IL1RAPL2: variants seen among roughly 807,000 people sequenced by gnomAD.
The protein encoded by IL1RAPL2 is interleukin 1 receptor accessory protein like 2.
Under a neutral mutation model 44.1 loss-of-function variants are expected in IL1RAPL2, and 3 were observed. The observed-to-expected ratio is 0.07, with a 90% CI of 0.03 to 0.18. The LOEUF (loss-of-function observed/expected upper bound fraction) is 0.18, where lower values mean the gene tolerates loss of function less well. IL1RAPL2 is among the 10% of genes least tolerant of loss of function. The probability of loss-of-function intolerance (pLI) is 1.00; values close to 1 mark genes in which losing one functional copy is unlikely to be tolerated. For synonymous variants in IL1RAPL2, 181 were observed against 178.8 expected (o/e 1.01, Z -0.10); for missense variants, 391 against 496.4 (o/e 0.79, Z 2.02).
chrX:105,422,697 G>C (rs189399100), intron 5 of IL1RAPL2, among the ~76,000 whole-genome samples: 61 of 111,538 alleles, frequency 5.5e-4, no homozygotes, highest in African/African-American at 1.9e-3. Flanking sequence ...GATCAGCAAC[G>C]TTTTAAGCAA....
At chrX:105,689,752 T>G (rs2038019104) in intron 6 of IL1RAPL2, among the ~76,000 whole-genome samples, 1 of 112,096 alleles carries the variant, frequency 8.9e-6, no homozygotes, top group African/African-American at 3.2e-5. Flanking sequence ...TATGCTACTG[T>G]AAAGACACAT....
intron 3 of IL1RAPL2, among the ~76,000 whole-genome samples, chrX:105,202,249 T>C (rs2033723800): frequency 8.9e-6 from 1 of 112,631 alleles, no homozygotes; most frequent in Non-Finnish European, 1.9e-5. Flanking sequence ...TAATAGGTTA[T>C]ATTTGATAAC....
intron 6 of IL1RAPL2, among the ~76,000 whole-genome samples, chrX:105,510,182 T>G (rs1325744912): frequency 9.1e-6 from 1 of 110,379 alleles, no homozygotes; most frequent in Non-Finnish European, 1.9e-5. Flanking sequence ...CTAAAAAAAT[T>G]TAAATTTAAA....
chrX:105,717,143 A>T (rs1192187679), intron 6 of IL1RAPL2, among the ~76,000 whole-genome samples: 1 of 111,848 alleles, frequency 8.9e-6, no homozygotes, highest in Non-Finnish European at 1.9e-5. Context: ...CAGAAAACTG[A>T]GTAACTTTGT....
At chrX:105,231,883 T>C (rs1454264428) in intron 3 of IL1RAPL2, among the ~76,000 whole-genome samples, 2 of 112,148 alleles carry the variant, frequency 1.8e-5, no homozygotes, top group Admixed American at 9.5e-5. Flanking sequence ...AGAGCTCAAT[T>C]GATTGAGCTA....
chrX:105,363,804 C>A (rs994352773), intron 5 of IL1RAPL2, among the ~76,000 whole-genome samples: 1 of 110,327 alleles, frequency 9.1e-6, no homozygotes, highest in Non-Finnish European at 1.9e-5. Flanking sequence ...TGATTTGTTT[C>A]CTTGCTATTG....
At chrX:105,129,212 T>C (rs754679841) in intron 2 of IL1RAPL2, among the ~76,000 whole-genome samples, 5 of 110,722 alleles carry the variant, frequency 4.5e-5, no homozygotes, top group African/African-American at 1.3e-4. Context: ...AAATCAAGGC[T>C]GCCAGAAGAT....
intron 5 of IL1RAPL2, among the ~76,000 whole-genome samples, chrX:105,470,910 C>A (rs887002675): frequency 5.4e-5 from 6 of 111,456 alleles, no homozygotes; most frequent in Non-Finnish European, 9.4e-5. Flanking sequence ...TTCTTCCCTT[C>A]GGTACCTGGC....
chrX:104,895,879 C>A (rs1048493619), intron 2 of IL1RAPL2, among the ~76,000 whole-genome samples: 1 of 111,801 alleles, frequency 8.9e-6, no homozygotes. Context: ...GCGTCACTCA[C>A]ACTGGGAGCT....
At chrX:105,146,715 A>G (rs1278968988) in intron 2 of IL1RAPL2, among the ~76,000 whole-genome samples, 1 of 111,343 alleles carries the variant, frequency 9.0e-6, no homozygotes, top group African/African-American at 3.3e-5. Context: ...TGCAGTGAGA[A>G]AAAATGAGAC....
chrX:105,185,014 G>A (rs370840574), intron 2 of IL1RAPL2, among the ~76,000 whole-genome samples: 2 of 111,671 alleles, frequency 1.8e-5, no homozygotes, highest in South Asian at 3.8e-4. Context: ...TCACCTTTAC[G>A]TACACTCTCT....
chrX:105,744,723 T>G (rs2038526628), intron 8 of IL1RAPL2, among the ~76,000 whole-genome samples: 1 of 112,009 alleles, frequency 8.9e-6, no homozygotes, highest in African/African-American at 3.2e-5. Flanking sequence ...ATCTGTCTTC[T>G]GTCTGCACCT....
intron 5 of IL1RAPL2, among the ~76,000 whole-genome samples, chrX:105,448,777 C>T (rs190046821): frequency 9.0e-6 from 1 of 110,896 alleles, no homozygotes; most frequent in African/African-American, 3.3e-5. Flanking sequence ...TTCAAATAGC[C>T]TGTCTTCAAG....
In IL1RAPL2 at chrX:105,209,618, T is replaced by C. The variant is rs892974302; in HGVS notation, c.356+13870T>C. On this transcript the variant is annotated intron_variant, in intron 3 of 10. Transcript: ENST00000372582. ...TCACTAAGCATGCTTACTCAAGGGC[T>C]CAAAGGTCAGGTCAGATTGCTTCTG... is the stretch of plus-strand genomic sequence containing the variant. Among the ~76,000 whole-genome samples, 11 of 112,003 alleles carry C rather than the reference T, an allele frequency of 9.8e-5. No individual in the cohort carries two copies. The Admixed American group carries it at 1.0e-3, about 11-fold the overall frequency.
intron 2 of IL1RAPL2, among the ~76,000 whole-genome samples, chrX:105,140,979 C>A (rs1294884011): frequency 9.0e-6 from 1 of 111,290 alleles, no homozygotes; most frequent in Non-Finnish European, 1.9e-5. Flanking sequence ...AGAATAGAAG[C>A]CCTTGCCCTG....
At chrX:105,475,132 T>A (rs1428655202) in intron 5 of IL1RAPL2, among the ~76,000 whole-genome samples, 2 of 111,951 alleles carry the variant, frequency 1.8e-5, no homozygotes, top group Non-Finnish European at 3.8e-5. Flanking sequence ...TGGCATGAAA[T>A]CCCTGCTTAA....
At chrX:104,864,630 C>G (rs1020103811) in intron 2 of IL1RAPL2, among the ~76,000 whole-genome samples, 2 of 111,531 alleles carry the variant, frequency 1.8e-5, no homozygotes, top group African/African-American at 6.5e-5. Context: ...AGTTGGTGGA[C>G]TGGGAGAGGC....
At chrX:104,895,460 T>C (rs2147668916) in intron 2 of IL1RAPL2, among the ~76,000 whole-genome samples, 1 of 112,604 alleles carries the variant, frequency 8.9e-6, no homozygotes, top group South Asian at 3.6e-4. Context: ...GCCACTTTGT[T>C]TACCTACTCA....
intron 2 of IL1RAPL2, among the ~76,000 whole-genome samples, chrX:104,850,542 A>G (rs1922198319): frequency 8.9e-6 from 1 of 111,956 alleles, no homozygotes; most frequent in African/African-American, 3.2e-5. Flanking sequence ...ACATTTATCT[A>G]GGTTTTAAGA....
Sources: gnomAD v4.1 joint callset for allele counts (sites outside exome capture counted in the v4.1 genomes callset) on GRCh38, gnomAD v4.1.1 for gene constraint, MANE v1.5 for transcripts, NCBI Gene and HGNC (gene_info 2026-07-23, HGNC 2026-07-21) for gene names.